The following FANCM variants were observed in gnomAD, a reference collection of about 807,000 sequenced individuals.
The protein encoded by FANCM is Fanconi anemia group M protein.
In FANCM, 140 loss-of-function variants were observed where a neutral mutation model predicts 199.5. That is an observed-to-expected ratio of 0.70 (90% CI 0.61 to 0.81). FANCM has a LOEUF of 0.81. Ranked by LOEUF, FANCM falls within the 30% of genes least tolerant of loss-of-function variation. The pLI is 0.00. For synonymous variants in FANCM, 840 were observed against 836.8 expected, an observed-to-expected ratio of 1.00 and a Z score of -0.07; for missense variants, 2,410 against 2,421.4, an observed-to-expected ratio of 1.00 and a Z score of 0.10.
chr14:45,147,323 T>G (rs2139145015), intron 3 of FANCM, among the ~76,000 whole-genome samples: 1 of 152,158 alleles, frequency 6.6e-6, no homozygotes, highest in Non-Finnish European at 1.5e-5. Flanking sequence ...TTTCTTTTTT[T>G]TTTGGAGACA....
chr14:45,183,972 T>C, intron 17 of FANCM, 70 bp downstream of exon 17: 1 of 1,171,402 alleles, frequency 8.5e-7, no homozygotes, highest in Non-Finnish European at 1.2e-6. Flanking sequence ...TTTACATCAA[T>C]GTAGATTTCT....
chr14:45,176,959 C>T lies in FANCM; in HGVS notation c.4205C>T (p.Ser1402Phe). 4 of 1,591,152 alleles carry T rather than the reference C, an allele frequency of 2.5e-6. No homozygotes were observed. Among genetic ancestry groups the T allele is most frequent in the Non-Finnish European group, 3.4e-6 (4 of 1,160,096 alleles). The change falls in exon 14 of 23, where the codon TCC becomes TTC. Residue 1402 changes from serine (S) to phenylalanine (F), a missense_variant. Transcript: ENST00000267430. The part of the protein sequence containing the change: ...KSSGPMYLHK[S>F]CHSVEDGQLL... ...AGTGGTCCAATGTATCTGCATAAAT[C>T]CTGTCATTCTGTTGAAGGTAAGATT...
chr14:45,147,705 C>T (rs1276839099), intron 3 of FANCM, among the ~76,000 whole-genome samples: 1 of 150,346 alleles, frequency 6.7e-6, no homozygotes, highest in Non-Finnish European at 1.5e-5. Context: ...CCAGTTAGGC[C>T]AACATGGTGA....
At position 45,176,203 on chromosome 14, in the gene FANCM, C is replaced by A. The variant is rs1202132947; in HGVS notation, c.3449C>A (p.Ser1150Ter). Residue 1150 changes from serine to a stop codon, truncating the protein, a stop_gained, in exon 14 of 23, where the codon TCA becomes TAA. Coordinates refer to ENST00000267430, the MANE Select transcript of FANCM (RefSeq NM_020937.4). LOFTEE classifies it high-confidence loss of function. The stretch of plus-strand genomic sequence containing the variant: ...ACAGAGTTCGACGATGTGAGTCTTT[C>A]ACCCTTGAACAGTAAAAGCGAATCT... ...VNTEFDDVSL[S>*]PLNSKSESLP... is the part of the protein sequence containing the mutation. 2 of 1,614,092 alleles carry A rather than the reference C, an allele frequency of 1.2e-6. No homozygotes were observed. Among genetic ancestry groups the A allele is most frequent in the Admixed American group, 1.7e-5 (1 of 60,026 alleles).
chr14:45,163,709 A>G (rs1031270076), intron 9 of FANCM, among the ~76,000 whole-genome samples: 1 of 152,222 alleles, frequency 6.6e-6, no homozygotes, highest in African/African-American at 2.4e-5. Context: ...GATATGATAA[A>G]TAGGAGTGAT....
At chr14:45,174,598 C>T (rs1046246400) in intron 13 of FANCM, among the ~76,000 whole-genome samples, 1 of 152,084 alleles carries the variant, frequency 6.6e-6, no homozygotes, top group African/African-American at 2.4e-5. Flanking sequence ...TTCCAGGATA[C>T]AACCTAGCAG....
Position 45,170,785 on chromosome 14 carries a change from C to A in FANCM, c.2160+39C>A, listed in dbSNP as rs759455150. ...ATTTTCAGATGTTCTTTTCCCCCCC[C>A]TCATTTTAATGCCAGAACCCCTCAG... is the stretch of plus-strand genomic sequence containing the variant. On this transcript the variant is annotated intron_variant, in intron 12 of 22. Transcript: ENST00000267430. 54 of 1,566,378 alleles carry A rather than the reference C, an allele frequency of 3.4e-5. No homozygotes were observed. In the African/African-American group the frequency reaches 5.3e-4, roughly 15 times the overall value.
intron 14 of FANCM, 148 bp downstream of exon 14, chr14:45,177,124 A>G: frequency 1.6e-6 from 1 of 609,608 alleles, no homozygotes; most frequent in Non-Finnish European, 2.9e-6. Context: ...TTTTCTTAAG[A>G]TGATCTTACT....
chr14:45,137,157 T>C lies in FANCM; in HGVS notation c.597T>C (p.Ser199=), dbSNP rs761309381. The change falls in exon 2 of 23, where the codon TCT becomes TCC. Residue 199 remains serine, a synonymous_variant. Transcript: ENST00000267430. ...LTPQVMVNDL[S]RGACPAAEIK... is the part of the protein sequence containing the mutation. ...CTCAGGTCATGGTAAATGACCTTTC[T>C]AGAGGAGCTTGTCCCGCTGCTGAAA... The C allele has an allele frequency of 1.2e-6, 2 of 1,613,562 alleles. No individual in the cohort carries two copies. Among genetic ancestry groups the C allele is most frequent in the African/African-American group, 2.7e-5 (2 of 74,942 alleles).
At position 45,167,398 on chromosome 14, in the gene FANCM, C is replaced by T. The variant is rs564325657; in HGVS notation, c.2002+235C>T. The T allele has an allele frequency of 3.2e-4, 159 of 494,362 alleles. 1 individual carries two copies. The highest frequency in any genetic ancestry group is 1.8e-3 in the South Asian group (73 of 40,572). 30.6% of individuals were successfully genotyped at this position (494,362 alleles called of 1,614,324 possible). A position where few individuals can be genotyped will look rare whatever the true frequency, so the allele number is the denominator to read the frequency against. ...GAAAATTAAACATACCCTACCAACC[C>T]AGAGAATGTTCTCCATAAAGTTTAG... is the stretch of plus-strand genomic sequence containing the variant. On this transcript the variant is annotated intron_variant, in intron 11 of 22. Coordinates refer to ENST00000267430, the MANE Select transcript of FANCM (RefSeq NM_020937.4).
intron 14 of FANCM, among the ~76,000 whole-genome samples, chr14:45,179,393 G>T (rs1227642346): frequency 2.0e-5 from 3 of 151,920 alleles, no homozygotes; most frequent in Non-Finnish European, 2.9e-5. Flanking sequence ...TTTTATCATT[G>T]TTCGCCATCA....
Position 45,136,098 on chromosome 14 carries a change from C to G in FANCM, c.67C>G (p.Pro23Ala). 1 of 1,614,136 alleles carries G rather than the reference C, an allele frequency of 6.2e-7. No individual in the cohort carries two copies. Among genetic ancestry groups the G allele is most frequent in the African/African-American group, 1.3e-5 (1 of 75,044 alleles). The change falls in exon 1 of 23, where the codon CCG (proline) becomes GCG (alanine). Residue 23 changes from proline (P) to alanine (A), a missense_variant. Coordinates refer to ENST00000267430, the MANE Select transcript of FANCM (RefSeq NM_020937.4). ...GSSISRSSGTPGCSSGTERPQ... is the reference protein window; with the variant it reads ...GSSISRSSGTAGCSSGTERPQ... Reference sequence around the variant, plus strand: ...AAGTATCTCCCGATCATCTGGGACTCCGGGTTGCAGCTCCGGAACTGAGCG... The same window carrying G: ...AAGTATCTCCCGATCATCTGGGACTGCGGGTTGCAGCTCCGGAACTGAGCG...
At chr14:45,177,002 A>G (rs765638627) in intron 14 of FANCM, 26 bp downstream of exon 14, 1 of 1,394,144 alleles carries the variant, frequency 7.2e-7, no homozygotes, top group South Asian at 1.2e-5. Flanking sequence ...TATAAAGTCT[A>G]TAACTCTTTC....
intron 13 of FANCM, 134 bp downstream of exon 13, chr14:45,173,344 T>A (rs188100454): frequency 1.2e-5 from 9 of 776,534 alleles, no homozygotes; most frequent in Middle Eastern, 3.0e-4. Flanking sequence ...CAGTAAAGAA[T>A]GAGTTTTCTG....
chr14:45,176,403 CATG>C lies in FANCM; in HGVS notation c.3651_3653del (p.His1217_Glu1218delinsGln). ...TGTACAGGAAGAAAAAGTGAAGAATCATGAGGATATTTTTGATTGCTCTAGGGA... is the reference window on the plus strand; with the variant it reads ...TGTACAGGAAGAAAAAGTGAAGAATCAGGATATTTTTGATTGCTCTAGGGA... On this transcript the variant is annotated inframe_deletion, in exon 14 of 23. Transcript: ENST00000267430. 1 of 1,612,820 alleles carries C rather than the reference CATG, an allele frequency of 6.2e-7. No individual in the cohort carries two copies. Among genetic ancestry groups the C allele is most frequent in the African/African-American group, 1.3e-5 (1 of 75,018 alleles).
At chr14:45,158,444 C>G (rs2139184138) in intron 8 of FANCM, among the ~76,000 whole-genome samples, 1 of 147,896 alleles carries the variant, frequency 6.8e-6, no homozygotes, top group Middle Eastern at 3.4e-3. Context: ...CACCCGCCCC[C>G]CAGCACAGAC....
Position 45,140,647 on chromosome 14 carries a change from G to T in FANCM, c.697G>T (p.Val233Phe). The T allele has an allele frequency of 6.3e-7, 1 of 1,594,102 alleles. No homozygotes were observed. The change falls in exon 3 of 23, where the codon GTC becomes TTC. Residue 233 changes from valine (V) to phenylalanine (F), a missense_variant. Transcript: ENST00000267430. Reference sequence around the variant, plus strand: ...TTTTCTTAAGGTTGTAAGAGAACTAGTCAAATATACAAATCACTTTAGAAT... The same window carrying T: ...TTTTCTTAAGGTTGTAAGAGAACTATTCAAATATACAAATCACTTTAGAAT... ...YAYCQVVREL[V>F]KYTNHFRILA...
chr14:45,183,564 A>G (rs1282054418), intron 16 of FANCM, among the ~76,000 whole-genome samples: 1 of 152,184 alleles, frequency 6.6e-6, no homozygotes, highest in Non-Finnish European at 1.5e-5. Context: ...GTAATACTAT[A>G]TTGGATGAAT....
At chr14:45,168,706 A>G (rs1256482682) in intron 11 of FANCM, among the ~76,000 whole-genome samples, 1 of 148,418 alleles carries the variant, frequency 6.7e-6, no homozygotes. Context: ...TAATATATAA[A>G]ATATATACTA....
Sources: gnomAD v4.1 joint callset for allele counts (sites outside exome capture counted in the v4.1 genomes callset) on GRCh38, gnomAD v4.1.1 for gene constraint, MANE v1.5 for transcripts, NCBI Gene and HGNC (gene_info 2026-07-23, HGNC 2026-07-21) for gene names.